ARMH3: variants seen among roughly 807,000 people sequenced by gnomAD.
The protein encoded by ARMH3 is armadillo-like helical domain-containing protein 3.
Under a neutral mutation model 99.1 loss-of-function variants are expected in ARMH3, and 60 were observed. The observed-to-expected ratio is 0.61, with a 90% confidence interval of 0.49 to 0.75. The LOEUF is 0.75. Ranked by LOEUF, ARMH3 falls within the 30% of genes least tolerant of loss-of-function variation. The pLI is 0.00. For synonymous variants in ARMH3, 285 were observed against 292.8 expected, an observed-to-expected ratio of 0.97 and a Z score of 0.27; for missense variants, 679 against 843.1, an observed-to-expected ratio of 0.81 and a Z score of 2.41.
chr10:102,010,643 A>G (rs1228190429), intron 11 of ARMH3, among the ~76,000 whole-genome samples: 1 of 152,196 alleles, frequency 6.6e-6, no homozygotes. Context: ...TACACCCACT[A>G]AAAAATACCT....
intron 12 of ARMH3, 25 bp downstream of exon 12, chr10:102,009,952 C>T (rs1031700462): frequency 1.2e-6 from 2 of 1,609,802 alleles, no homozygotes; most frequent in Admixed American, 3.3e-5. Flanking sequence ...GTCCAAGTCA[C>T]TGCACAAGAA....
At chr10:101,939,213 A>T (rs1165047599) in intron 23 of ARMH3, among the ~76,000 whole-genome samples, 1 of 152,210 alleles carries the variant, frequency 6.6e-6, no homozygotes, top group African/African-American at 2.4e-5. Flanking sequence ...AAAATGAAAA[A>T]TCAAAGGCAC....
intron 22 of ARMH3, among the ~76,000 whole-genome samples, chr10:101,948,421 C>T (rs926795489): frequency 6.6e-6 from 1 of 152,046 alleles, no homozygotes; most frequent in African/African-American, 2.4e-5. Flanking sequence ...TTAAGGTATG[C>T]ATGCAGATAC....
At chr10:101,856,826 C>G (rs1456644172) in intron 24 of ARMH3, among the ~76,000 whole-genome samples, 7 of 152,242 alleles carry the variant, frequency 4.6e-5, no homozygotes, top group Admixed American at 2.6e-4. Flanking sequence ...ATCACCAGGC[C>G]AAGTCCAGAC....
chr10:101,963,194 G>A (rs1420692765), intron 20 of ARMH3, among the ~76,000 whole-genome samples: 2 of 150,040 alleles, frequency 1.3e-5, no homozygotes, highest in Non-Finnish European at 3.0e-5. Context: ...CGAGGCTGGA[G>A]TGCAGTGGCA....
In ARMH3 at chr10:101,848,869, A is replaced by G. The variant is rs537562395; in HGVS notation, c.1977+907T>C. 8.5e-5 allele frequency among the ~76,000 whole-genome samples: 13 copies of G among 152,252 alleles called. No homozygotes were observed. The South Asian group carries it at 2.7e-3, about 32-fold the overall frequency. On this transcript the variant is annotated intron_variant, in intron 25 of 25. Coordinates refer to ENST00000370033, the MANE Select transcript of ARMH3 (RefSeq NM_024541.3). ...CATAAAAATGTTCCACTCTGCTATC[A>G]CTTTACACTAATGGTTTCTGTGTTC...
intron 23 of ARMH3, among the ~76,000 whole-genome samples, chr10:101,896,247 C>T (rs1021459628): frequency 6.6e-6 from 1 of 152,028 alleles, no homozygotes; most frequent in African/African-American, 2.4e-5. Flanking sequence ...AACAAACAAA[C>T]AAACAAACAA....
intron 19 of ARMH3, among the ~76,000 whole-genome samples, chr10:101,985,270 GTA>G (rs1846441178): frequency 6.9e-6 from 1 of 144,166 alleles, no homozygotes; most frequent in East Asian, 2.0e-4. Flanking sequence ...GTGTATATAC[GTA>G]TGTGTATATA....
Position 101,846,076 on chromosome 10 carries a change from G to A in ARMH3, c.*1452C>T, listed in dbSNP as rs1174409009. 1.3e-5 allele frequency: 2 copies of A among 152,188 alleles called. No individual in the cohort carries two copies. The highest frequency in any genetic ancestry group is 4.8e-5 in the African/African-American group (2 of 41,428). The allele number at this position is 152,188 out of a possible 1,614,324, so 9.4% of individuals were successfully genotyped here. ...AGTGGTTCCATGGAGGCTATCCAAG[G>A]GAGGAACCACAAGCCAACTCCCCAT... On this transcript the variant is annotated 3_prime_UTR_variant, in exon 26 of 26. Coordinates refer to ENST00000370033, the MANE Select transcript of ARMH3 (RefSeq NM_024541.3).
intron 23 of ARMH3, among the ~76,000 whole-genome samples, chr10:101,893,751 G>A (rs1373941342): frequency 1.3e-5 from 2 of 152,026 alleles, no homozygotes; most frequent in Admixed American, 6.6e-5. Flanking sequence ...AGGCAGGGAG[G>A]GAGGGAGTGA....
At chr10:101,933,492 C>T (rs1843814178) in intron 23 of ARMH3, among the ~76,000 whole-genome samples, 1 of 152,162 alleles carries the variant, frequency 6.6e-6, no homozygotes, top group South Asian at 2.1e-4. Context: ...TAAGGTAAAA[C>T]AGATGATTAA....
chr10:101,972,985 T>G (rs1472782229), intron 20 of ARMH3, among the ~76,000 whole-genome samples: 1 of 152,164 alleles, frequency 6.6e-6, no homozygotes, highest in Non-Finnish European at 1.5e-5. Context: ...AGAATGGCCT[T>G]CTTCTTCACC....
chr10:102,027,654 A>C (rs2067030099), intron 5 of ARMH3, among the ~76,000 whole-genome samples: 1 of 152,090 alleles, frequency 6.6e-6, no homozygotes. Context: ...CTAAAGACAG[A>C]CACTTAGCAG....
intron 13 of ARMH3, among the ~76,000 whole-genome samples, chr10:102,007,057 A>G (rs1398555374): frequency 4.7e-5 from 7 of 148,920 alleles, no homozygotes; most frequent in African/African-American, 1.7e-4. Context: ...ACTACTTGGA[A>G]GGCTGAGGCA....
chr10:101,908,932 G>A (rs1842757393), intron 23 of ARMH3, among the ~76,000 whole-genome samples: 1 of 151,316 alleles, frequency 6.6e-6, no homozygotes. Flanking sequence ...CAAAGTGCTG[G>A]GATTACAGGT....
chr10:101,929,872 G>A (rs550928334), intron 23 of ARMH3, among the ~76,000 whole-genome samples: 1 of 152,124 alleles, frequency 6.6e-6, no homozygotes, highest in Admixed American at 6.5e-5. Context: ...AAATGCTTGG[G>A]ACCAGAAGAG....
At chr10:101,913,519 C>T (rs1260290232) in intron 23 of ARMH3, among the ~76,000 whole-genome samples, 1 of 151,948 alleles carries the variant, frequency 6.6e-6, no homozygotes, top group Non-Finnish European at 1.5e-5. Context: ...GTGCACGTCA[C>T]ATACCCAGCT....
chr10:101,927,990 C>T (rs934774562), intron 23 of ARMH3, among the ~76,000 whole-genome samples: 1 of 152,216 alleles, frequency 6.6e-6, no homozygotes, highest in Non-Finnish European at 1.5e-5. Flanking sequence ...ACGAGAATCA[C>T]TTGAGCCTGG....
At chr10:102,049,727 T>C (rs2067649298) in intron 1 of ARMH3, among the ~76,000 whole-genome samples, 1 of 151,676 alleles carries the variant, frequency 6.6e-6, no homozygotes, top group Non-Finnish European at 1.5e-5. Context: ...GGCTAACTTT[T>C]CATATTTTTT....
Sources: allele counts gnomAD v4.1 joint callset (sites outside exome capture counted in the v4.1 genomes callset), GRCh38; gene constraint gnomAD v4.1.1; transcripts MANE v1.5; gene names NCBI Gene and HGNC (gene_info 2026-07-23, HGNC 2026-07-21).